Variants in SNX10 observed in about 807,000 individuals in gnomAD.
SNX10 encodes sorting nexin 10, also known as sorting nexin-10.
SNX10 carries 25 observed loss-of-function variants against 28.5 expected under a neutral mutation model. The ratio of observed to expected loss-of-function variants is 0.88; its 90% confidence interval spans 0.64 to 1.22. The LOEUF (loss-of-function observed/expected upper bound fraction) is 1.22, where lower values mean the gene tolerates loss of function less well. Among genes scored for constraint, SNX10 ranks in the 50% most tolerant of loss-of-function variants. The pLI, the probability that SNX10 is intolerant of heterozygous loss-of-function variation, is 0.00. For synonymous variants in SNX10, 62 were observed against 81.4 expected, an observed-to-expected ratio of 0.76 and a Z score of 1.28; for missense variants, 223 against 242.6, an observed-to-expected ratio of 0.92 and a Z score of 0.54.
intron 1 of SNX10, among the ~76,000 whole-genome samples, chr7:26,342,796 AT>A (rs1788231437): frequency 6.7e-6 from 1 of 149,840 alleles, no homozygotes; most frequent in Non-Finnish European, 1.5e-5. Flanking sequence ...CAAGTTTCCT[AT>A]TTTCTTTTTT....
chr7:26,329,856 G>A (rs998696869), intron 1 of SNX10, among the ~76,000 whole-genome samples: 1 of 152,210 alleles, frequency 6.6e-6, no homozygotes, highest in Non-Finnish European at 1.5e-5. Context: ...CCAGGTTCAG[G>A]GCCCTGAGAT....
intron 1 of SNX10, among the ~76,000 whole-genome samples, chr7:26,337,657 G>A (rs1327210308): frequency 6.6e-6 from 1 of 152,162 alleles, no homozygotes; most frequent in Non-Finnish European, 1.5e-5. Flanking sequence ...CCCTTTTAAG[G>A]TTGAATGGTA....
At chr7:26,360,863 AC>A (rs1471518523) in intron 2 of SNX10, 111 bp from the exon 3 acceptor site, 181 of 1,522,616 alleles carry the variant, frequency 1.2e-4, no homozygotes, top group Non-Finnish European at 1.6e-4. Context: ...TACAAGTACC[AC>A]ATTGGTTAAA....
chr7:26,346,521 T>C (rs930832330), intron 2 of SNX10, 55 bp downstream of exon 2: 3 of 1,363,290 alleles, frequency 2.2e-6, no homozygotes, highest in Admixed American at 1.7e-5. Flanking sequence ...TTCACACAGG[T>C]TAGTTCTTCA....
At chr7:26,360,842 T>C in intron 2 of SNX10, 133 bp from the exon 3 acceptor site, 1 of 1,469,422 alleles carries the variant, frequency 6.8e-7, no homozygotes. Context: ...ACTTCTTGTT[T>C]TTTAAAGGAT....
At chr7:26,308,793 C>T (rs949106876) in intron 1 of SNX10, among the ~76,000 whole-genome samples, 2 of 152,070 alleles carry the variant, frequency 1.3e-5, no homozygotes, top group Non-Finnish European at 1.5e-5. Flanking sequence ...GAGATGGGCA[C>T]TTTAAGTGGG....
At chr7:26,323,918 T>C (rs960120513) in intron 1 of SNX10, among the ~76,000 whole-genome samples, 1 of 152,160 alleles carries the variant, frequency 6.6e-6, no homozygotes, top group Non-Finnish European at 1.5e-5. Context: ...AAATAAGGGC[T>C]GAATGAGGGA....
chr7:26,295,026 T>C (rs1786057924), intron 1 of SNX10, among the ~76,000 whole-genome samples: 1 of 152,186 alleles, frequency 6.6e-6, no homozygotes, highest in South Asian at 2.1e-4. Context: ...TTGCTCCCAG[T>C]TTCTGCAGAA....
rs1037626138 is a variant in SNX10, at chr7:26,373,499, C to T, written c.*927C>T. The T allele has an allele frequency of 2.6e-5, 4 of 151,926 alleles. No individual in the cohort carries two copies. Among genetic ancestry groups the T allele is most frequent in the South Asian group, 2.1e-4 (1 of 4,828 alleles). 9.4% of individuals were successfully genotyped at this position (151,926 alleles called of 1,614,324 possible). On this transcript the variant is annotated 3_prime_UTR_variant, in exon 7 of 7. Transcript: ENST00000338523. This position sits in a 1 kb window ranked among gnomAD's most constrained non-coding sequence, Gnocchi z 4.2. The stretch of plus-strand genomic sequence containing the variant: ...ATTCCCATAATTTAGAAAAGGATGT[C>T]GACTTGCTAATTTCAGAAATAATTA...
At chr7:26,351,846 CG>C (rs1788620430) in intron 2 of SNX10, among the ~76,000 whole-genome samples, 1 of 141,770 alleles carries the variant, frequency 7.1e-6, no homozygotes, top group Non-Finnish European at 1.5e-5. Context: ...TTAGTAGAGG[CG>C]GGGTTTCACC....
chr7:26,316,148 C>T (rs1397932707), intron 1 of SNX10, among the ~76,000 whole-genome samples: 4 of 148,540 alleles, frequency 2.7e-5, no homozygotes, highest in African/African-American at 7.5e-5. Flanking sequence ...CGCACCACTG[C>T]ACTCCAGCCT....
At chr7:26,325,630 A>G (rs1018218361) in intron 1 of SNX10, among the ~76,000 whole-genome samples, 25 of 151,784 alleles carry the variant, frequency 1.6e-4, no homozygotes, top group African/African-American at 5.8e-4. Context: ...GCCATCAAAT[A>G]TAAATTTGTT....
At chr7:26,310,349 T>A (rs990101651) in intron 1 of SNX10, among the ~76,000 whole-genome samples, 1 of 152,208 alleles carries the variant, frequency 6.6e-6, no homozygotes, top group Admixed American at 6.5e-5. Context: ...CTGTGCTAAG[T>A]GCTAAAGTTG....
intron 2 of SNX10, among the ~76,000 whole-genome samples, chr7:26,358,182 T>G (rs1172876356): frequency 6.6e-6 from 1 of 151,052 alleles, no homozygotes; most frequent in Non-Finnish European, 1.5e-5. Flanking sequence ...GAATTTTGAG[T>G]GTGCATTTAA....
chr7:26,311,816 A>G (rs1243757687), intron 1 of SNX10, among the ~76,000 whole-genome samples: 1 of 150,774 alleles, frequency 6.6e-6, no homozygotes, highest in Admixed American at 6.6e-5. Flanking sequence ...AAGTTATTTT[A>G]TTTTGAAATT....
chr7:26,372,630 G>A lies in SNX10; in HGVS notation c.*58G>A. Reference sequence around the variant, plus strand: ...GCAAATTATGTCCAGTCATAGAGAAGAAAGCTTCATAATAATACATTCTTA... The same window carrying A: ...GCAAATTATGTCCAGTCATAGAGAAAAAAGCTTCATAATAATACATTCTTA... On this transcript the variant is annotated 3_prime_UTR_variant, in exon 7 of 7. Transcript: ENST00000338523. The A allele has an allele frequency of 1.0e-6, 1 of 989,578 alleles. No homozygotes were observed. The highest frequency in any genetic ancestry group is 1.3e-5 in the South Asian group (1 of 78,128). 61.3% of individuals were successfully genotyped at this position (989,578 alleles called of 1,614,324 possible). A position where few individuals can be genotyped will look rare whatever the true frequency, so the allele number is the denominator to read the frequency against.
chr7:26,324,279 G>T (rs984233915), intron 1 of SNX10, among the ~76,000 whole-genome samples: 35 of 151,656 alleles, frequency 2.3e-4, no homozygotes, highest in South Asian at 4.2e-4. Flanking sequence ...GAAAAAAACC[G>T]TAAGGAAGTA....
chr7:26,355,351 CA>C lies in SNX10; in HGVS notation c.25-5617del, dbSNP rs553015708. 2.4e-3 allele frequency among the ~76,000 whole-genome samples: 364 copies of C among 152,142 alleles called. 4 individuals carry two copies. Among genetic ancestry groups the C allele is most frequent in the African/African-American group, 8.2e-3 (339 of 41,516 alleles). ...TTTAGAATAAGCCCATCTATGTCTT[CA>C]AAAAAAGTCTTGCTGAGATTTTTTA... On this transcript the variant is annotated intron_variant, in intron 2 of 6. Transcript: ENST00000338523.
intron 1 of SNX10, among the ~76,000 whole-genome samples, chr7:26,335,956 C>T (rs1387824942): frequency 6.6e-6 from 1 of 151,604 alleles, no homozygotes; most frequent in Non-Finnish European, 1.5e-5. Context: ...TGGTCTCGAT[C>T]TCCTGACCTC....
Sources: gnomAD v4.1 joint callset for allele counts (sites outside exome capture counted in the v4.1 genomes callset) on GRCh38, gnomAD v4.1.1 for gene constraint, Gnocchi (gnomAD v3.1) non-coding constraint, MANE v1.5 for transcripts, NCBI Gene and HGNC (gene_info 2026-07-23, HGNC 2026-07-21) for gene names.